The following ARAP2 variants were observed in gnomAD, a reference collection of about 807,000 sequenced individuals.
The protein encoded by ARAP2 is arf-GAP with Rho-GAP domain, ANK repeat and PH domain-containing protein 2.
Under a neutral mutation model 194.5 loss-of-function variants are expected in ARAP2, and 148 were observed. The observed-to-expected ratio is 0.76, with a 90% CI of 0.67 to 0.87. ARAP2 has a LOEUF of 0.87. ARAP2 is among the 40% of genes least tolerant of loss of function. The pLI is 0.00. For synonymous variants in ARAP2, 695 were observed against 683.5 expected (o/e 1.02, Z -0.26); for missense variants, 2,128 against 1,989.7 (o/e 1.07, Z -1.32).
At chr4:36,085,376 T>A (rs1730574426) in intron 28 of ARAP2, among the ~76,000 whole-genome samples, 2 of 152,092 alleles carry the variant, frequency 1.3e-5, no homozygotes, top group Admixed American at 6.6e-5. Context: ...ATACATTTTT[T>A]TATATATACA....
rs372052171 is a variant in ARAP2, at chr4:36,214,434, C to T, written c.952G>A (p.Val318Met). The change falls in exon 3 of 33, where the codon GTG (valine) becomes ATG (methionine). Residue 318 changes from valine to methionine, a missense_variant. By Grantham distance (21) the Val-to-Met change is conservative (BLOSUM62 1). Transcript: ENST00000303965. The part of the protein sequence containing the change: ...RNVATSTEKS[V>M]AWQNSNEENS... ...CACATAGACTCACTTTGCCATGCCA[C>T]AGATTTTTCAGTTGAGGTAGCAACA... is the stretch of plus-strand genomic sequence containing the variant. The T allele has an allele frequency of 3.8e-6, 6 of 1,594,454 alleles. No individual in the cohort carries two copies. Among genetic ancestry groups the T allele is most frequent in the Non-Finnish European group, 5.1e-6 (6 of 1,168,488 alleles).
chr4:36,217,900 C>A (rs1272463133), intron 2 of ARAP2, among the ~76,000 whole-genome samples: 1 of 149,068 alleles, frequency 6.7e-6, no homozygotes, highest in African/African-American at 2.5e-5. Context: ...TATGACAATA[C>A]CCCCTATATG....
At chr4:36,013,535 C>T (rs530075405) in intron 8 of ARAP2, among the ~76,000 whole-genome samples, 23 of 152,006 alleles carry the variant, frequency 1.5e-4, no homozygotes, top group East Asian at 7.7e-4. Flanking sequence ...TGTTTGGGCA[C>T]GTGAGATTTT....
intron 8 of ARAP2, 103 bp from the exon 9 acceptor site, chr4:36,178,108 G>T: frequency 9.9e-7 from 1 of 1,008,058 alleles, no homozygotes; most frequent in Non-Finnish European, 1.4e-6. Context: ...ATAAGTGACA[G>T]ATTCTTTCCC....
intron 5 of ARAP2, among the ~76,000 whole-genome samples, chr4:36,040,336 T>C (rs1720639540): frequency 6.6e-6 from 1 of 152,184 alleles, no homozygotes; most frequent in Admixed American, 6.5e-5. Context: ...GAAGTAATAC[T>C]AACTGTTGGG....
chr4:36,121,380 A>C, intron 22 of ARAP2, 54 bp from the exon 23 acceptor site: 2 of 1,474,788 alleles, frequency 1.4e-6, no homozygotes, highest in Non-Finnish European at 1.8e-6. Flanking sequence ...GAAATTTCAT[A>C]GAACAGAAAG....
chr4:36,098,292 A>G (rs1715880628), intron 27 of ARAP2, among the ~76,000 whole-genome samples: 2 of 152,134 alleles, frequency 1.3e-5, no homozygotes, highest in East Asian at 1.9e-4. Context: ...TCTTTCAGCA[A>G]TTCTCTTTGG....
chr4:36,211,338 A>C (rs985678523), intron 5 of ARAP2, among the ~76,000 whole-genome samples: 1 of 152,194 alleles, frequency 6.6e-6, no homozygotes, highest in African/African-American at 2.4e-5. Flanking sequence ...TTCAGGAAGT[A>C]AAAGCTATGT....
At chr4:36,155,651 A>T (rs933423066) in intron 15 of ARAP2, among the ~76,000 whole-genome samples, 19 of 146,902 alleles carry the variant, frequency 1.3e-4, no homozygotes, top group Non-Finnish European at 3.0e-5. Context: ...TTTTTTATTT[A>T]TTTTTTTTTT....
At chr4:36,192,162 GTTTCTGTTTTTTTTTT>G (rs1483112751) in intron 7 of ARAP2, among the ~76,000 whole-genome samples, 1 of 105,896 alleles carries the variant, frequency 9.4e-6, no homozygotes, top group Admixed American at 1.1e-4. Flanking sequence ...CAAATCCAGT[GTTTCTGTTTTTTTTTT>G]TTTTTTTTTT....
At chr4:36,233,428 A>G in intron 1 of ARAP2, among the ~76,000 whole-genome samples, 1 of 152,152 alleles carries the variant, frequency 6.6e-6, no homozygotes, top group Non-Finnish European at 1.5e-5. Context: ...TATAACTAGG[A>G]TGTGTGACAA....
At position 36,193,638 on chromosome 4, in the gene ARAP2, C is replaced by A; in HGVS notation, c.1497G>T (p.Met499Ile). Residue 499 changes from methionine (M) to isoleucine (I), a missense_variant, in exon 7 of 33, where the codon ATG (methionine) becomes ATT (isoleucine). Coordinates refer to ENST00000303965, the MANE Select transcript of ARAP2 (RefSeq NM_015230.4). ...LDKLSPQGKR[M>I]FQKRWVKFDG... The stretch of plus-strand genomic sequence containing the variant: ...CAAATTTCACCCATCTCTTTTGAAA[C>A]ATGCGTTTTCTGCAAAACATATGAA... 1 of 1,602,202 alleles carries A rather than the reference C, an allele frequency of 6.2e-7. No homozygotes were observed. The highest frequency in any genetic ancestry group is 8.5e-7 in the Non-Finnish European group (1 of 1,174,886).
intron 2 of ARAP2, among the ~76,000 whole-genome samples, chr4:36,225,387 A>G (rs1189646202): frequency 1.3e-5 from 2 of 150,894 alleles, no homozygotes; most frequent in African/African-American, 4.9e-5. Flanking sequence ...AAGATTCTGC[A>G]TAAGATCACA....
chr4:36,234,688 C>T (rs1220900947), intron 1 of ARAP2, among the ~76,000 whole-genome samples: 1 of 152,042 alleles, frequency 6.6e-6, no homozygotes, highest in Non-Finnish European at 1.5e-5. Context: ...TAGTACCTAC[C>T]TCATAGGGCT....
intron 27 of ARAP2, among the ~76,000 whole-genome samples, chr4:36,106,363 G>A (rs1718414923): frequency 6.6e-6 from 1 of 151,930 alleles, no homozygotes; most frequent in South Asian, 2.1e-4. Flanking sequence ...ACAGTATAAA[G>A]AGTTAGTATC....
At chr4:36,114,848 T>A (rs1388183303) in intron 25 of ARAP2, among the ~76,000 whole-genome samples, 1 of 151,802 alleles carries the variant, frequency 6.6e-6, no homozygotes, top group Non-Finnish European at 1.5e-5. Flanking sequence ...AACCTGGGGG[T>A]CGGTTCTACG....
At chr4:36,118,375 G>T (rs2109527591) in intron 24 of ARAP2, among the ~76,000 whole-genome samples, 1 of 149,586 alleles carries the variant, frequency 6.7e-6, no homozygotes, top group South Asian at 2.1e-4. Context: ...AATTCAAACA[G>T]GGGTAAGACA....
intron 16 of ARAP2, 91 bp from the exon 17 acceptor site, chr4:36,148,598 C>T: frequency 2.2e-6 from 2 of 900,844 alleles, no homozygotes; most frequent in Non-Finnish European, 3.4e-6. Flanking sequence ...AATTAAATTC[C>T]TTTTAAAATA....
chr4:36,089,614 A>C (rs1336927828), intron 28 of ARAP2, among the ~76,000 whole-genome samples: 2 of 152,146 alleles, frequency 1.3e-5, no homozygotes, highest in Admixed American at 6.6e-5. Context: ...TATCACTGTT[A>C]AGATTTTAGT....
Sources: gnomAD v4.1 joint callset for allele counts (sites outside exome capture counted in the v4.1 genomes callset) on GRCh38, gnomAD v4.1.1 for gene constraint, MANE v1.5 for transcripts, NCBI Gene and HGNC (gene_info 2026-07-23, HGNC 2026-07-21) for gene names.